Variants in SORCS2 observed in about 807,000 individuals in gnomAD.
SORCS2 encodes sortilin related VPS10 domain containing receptor 2, also known as VPS10 domain-containing receptor SorCS2.
Under a neutral mutation model 141.6 loss-of-function variants are expected in SORCS2, and 100 were observed. The ratio of observed to expected loss-of-function variants is 0.71; its 90% CI spans 0.60 to 0.83. SORCS2 has a LOEUF of 0.83. Ranked by LOEUF, SORCS2 falls within the 40% of genes least tolerant of loss-of-function variation. SORCS2 has a pLI of 0.00. For synonymous variants in SORCS2, 789 were observed against 676.9 expected, an observed-to-expected ratio of 1.17 and a Z score of -2.57; for missense variants, 1,646 against 1,560.2, an observed-to-expected ratio of 1.05 and a Z score of -0.93.
chr4:7,579,972 A>T (rs756721222), intron 3 of SORCS2, among the ~76,000 whole-genome samples: 16 of 152,114 alleles, frequency 1.1e-4, no homozygotes, highest in Non-Finnish European at 2.2e-4. Flanking sequence ...GAAGGATGTG[A>T]GCATAGGCAA....
chr4:7,497,846 G>A (rs1008870681), intron 2 of SORCS2, among the ~76,000 whole-genome samples: 14 of 152,262 alleles, frequency 9.2e-5, no homozygotes, highest in South Asian at 2.1e-4. Context: ...CTAAAATGCC[G>A]AAGGCAGAGG....
chr4:7,730,314 C>T (rs1194112610), intron 23 of SORCS2, among the ~76,000 whole-genome samples: 4 of 152,214 alleles, frequency 2.6e-5, no homozygotes, highest in Non-Finnish European at 5.9e-5. Context: ...ACCTCTCACA[C>T]TGCTGGTGGA....
intron 1 of SORCS2, among the ~76,000 whole-genome samples, chr4:7,332,157 C>A (rs1368292018): frequency 1.3e-5 from 2 of 152,216 alleles, no homozygotes; most frequent in South Asian, 2.1e-4. Flanking sequence ...GCATCCTTAT[C>A]TTTGCTCCTT....
intron 2 of SORCS2, among the ~76,000 whole-genome samples, chr4:7,474,355 T>C (rs1305232974): frequency 6.6e-6 from 1 of 152,196 alleles, no homozygotes; most frequent in Non-Finnish European, 1.5e-5. Flanking sequence ...AGCCTCTCTT[T>C]ATGGCCTGAT....
At chr4:7,583,337 A>G (rs994164043) in intron 3 of SORCS2, among the ~76,000 whole-genome samples, 5 of 152,108 alleles carry the variant, frequency 3.3e-5, no homozygotes, top group African/African-American at 9.7e-5. Context: ...CTTAAGGATC[A>G]TGTATTCCAA....
Position 7,728,470 on chromosome 4 carries a change from C to A in SORCS2, c.2982+8C>A. On this transcript the variant is annotated splice_region_variant and intron_variant, in intron 22 of 26. Transcript: ENST00000507866. The stretch of plus-strand genomic sequence containing the variant: ...ACCCGGCTGCTCTCCAAGGTGTCCA[C>A]CCAGAGCCTAGAGCCTCCCCAGCCC... 5.0e-6 allele frequency: 8 copies of A among 1,601,618 alleles called. No individual in the cohort carries two copies. Among genetic ancestry groups the A allele is most frequent in the Non-Finnish European group, 6.0e-6 (7 of 1,172,588 alleles).
In SORCS2 at chr4:7,470,047, A is replaced by T. The variant is rs118022674; in HGVS notation, c.549-61483A>T. 3.7e-3 allele frequency among the ~76,000 whole-genome samples: 569 copies of T among 152,334 alleles called. 8 individuals carry two copies. Among genetic ancestry groups the T allele is most frequent in the East Asian group, 0.028 (145 of 5,184 alleles). On this transcript the variant is annotated intron_variant, in intron 2 of 26. Transcript: ENST00000507866. The stretch of plus-strand genomic sequence containing the variant: ...TCCAGTGTGTCCTCCAGGGAAGTTC[A>T]TGGCCAAGGGAAAACGCTCCTCCCT...
At chr4:7,224,096 G>T (rs1272578768) in intron 1 of SORCS2, among the ~76,000 whole-genome samples, 1 of 152,188 alleles carries the variant, frequency 6.6e-6, no homozygotes, top group Non-Finnish European at 1.5e-5. Context: ...CTGGCGTGCT[G>T]GTTTCCAGGG....
intron 2 of SORCS2, among the ~76,000 whole-genome samples, chr4:7,459,183 C>T (rs968415395): frequency 3.9e-5 from 6 of 152,136 alleles, no homozygotes; most frequent in African/African-American, 1.4e-4. Flanking sequence ...CAGATCCGAG[C>T]CCTCCCTGCC....
At chr4:7,296,358 C>T (rs905028361) in intron 1 of SORCS2, among the ~76,000 whole-genome samples, 11 of 152,220 alleles carry the variant, frequency 7.2e-5, no homozygotes, top group African/African-American at 1.7e-4. Flanking sequence ...CATGCCTCAG[C>T]GAGGTTTTAG....
intron 1 of SORCS2, among the ~76,000 whole-genome samples, chr4:7,204,219 G>GT (rs1371376900): frequency 2.0e-5 from 3 of 151,848 alleles, no homozygotes; most frequent in Non-Finnish European, 4.4e-5. Context: ...TCCTACGTCA[G>GT]TTTTTTTTCT....
intron 2 of SORCS2, among the ~76,000 whole-genome samples, chr4:7,424,888 G>T (rs1577538477): frequency 6.6e-6 from 1 of 152,214 alleles, no homozygotes; most frequent in African/African-American, 2.4e-5. Flanking sequence ...ACCACACAGT[G>T]CCCGGCACCA....
At chr4:7,256,921 C>T (rs181774153) in intron 1 of SORCS2, among the ~76,000 whole-genome samples, 1 of 152,046 alleles carries the variant, frequency 6.6e-6, no homozygotes, top group East Asian at 1.9e-4. Flanking sequence ...CCGGCCCCAG[C>T]CACCCATTCC....
At chr4:7,655,280 C>A (rs1273894395) in intron 5 of SORCS2, among the ~76,000 whole-genome samples, 1 of 152,120 alleles carries the variant, frequency 6.6e-6, no homozygotes, top group East Asian at 1.9e-4. Flanking sequence ...ATTGCACGGG[C>A]CTCCTGCGCA....
Position 7,663,537 on chromosome 4 carries a change from C to T in SORCS2, c.953-816C>T, listed in dbSNP as rs766340803. 6.6e-5 allele frequency among the ~76,000 whole-genome samples: 10 copies of T among 152,366 alleles called. No homozygotes were observed. Among genetic ancestry groups the T allele is most frequent in the South Asian group, 2.1e-4 (1 of 4,830 alleles). ...GGCAGTGGCCTGGTGCTGCTGCCCA[C>T]GTACCCTCTGTGTACACTGCCTTCT... On this transcript the variant is annotated intron_variant, in intron 6 of 26. Coordinates refer to ENST00000507866, the MANE Select transcript of SORCS2 (RefSeq NM_020777.3). This position sits in a 1 kb window ranked among gnomAD's most constrained non-coding sequence, Gnocchi z 4.8.
chr4:7,724,717 T>G (rs111161948), intron 19 of SORCS2, among the ~76,000 whole-genome samples: 2,392 of 19,336 alleles, frequency 0.12, 177 homozygotes, highest in East Asian at 0.17. Flanking sequence ...GGTGATAGTA[T>G]TGGTGGGAAT....
At chr4:7,689,229 C>T (rs557251832) in intron 10 of SORCS2, among the ~76,000 whole-genome samples, 22 of 152,194 alleles carry the variant, frequency 1.4e-4, no homozygotes, top group Middle Eastern at 3.4e-3. Context: ...CAGATCCTCC[C>T]AGGTGCCTCA....
At chr4:7,621,016 G>A (rs898809228) in intron 3 of SORCS2, among the ~76,000 whole-genome samples, 1 of 148,622 alleles carries the variant, frequency 6.7e-6, no homozygotes, top group South Asian at 2.1e-4. Flanking sequence ...GGCAGGCACG[G>A]GGGGGTTGCC....
chr4:7,379,391 G>A (rs1722848205), intron 1 of SORCS2, among the ~76,000 whole-genome samples: 1 of 152,162 alleles, frequency 6.6e-6, no homozygotes, highest in African/African-American at 2.4e-5. Flanking sequence ...GTGGATGGGT[G>A]GAAGCACGAG....
Sources: gnomAD v4.1 joint callset for allele counts (sites outside exome capture counted in the v4.1 genomes callset) on GRCh38, gnomAD v4.1.1 for gene constraint, Gnocchi (gnomAD v3.1) non-coding constraint, MANE v1.5 for transcripts, NCBI Gene and HGNC (gene_info 2026-07-23, HGNC 2026-07-21) for gene names.